Variants in RXRA observed in about 807,000 individuals in gnomAD.
RXRA encodes the protein retinoid X receptor alpha.
Under a neutral mutation model 44.5 loss-of-function variants are expected in RXRA, and 5 were observed. The observed-to-expected ratio is 0.11, with a 90% CI of 0.06 to 0.24. The LOEUF (loss-of-function observed/expected upper bound fraction) is 0.24, where lower values mean the gene tolerates loss of function less well. Ranked by LOEUF, RXRA falls within the 10% of genes least tolerant of loss-of-function variation. The pLI, the probability that RXRA is intolerant of heterozygous loss-of-function variation, is 1.00. For synonymous variants in RXRA, 291 were observed against 271.4 expected (o/e 1.07, Z -0.71); for missense variants, 412 against 646.5 (o/e 0.64, Z 3.93).
chr9:134,386,992 G>A (rs1292068203), intron 1 of RXRA, among the ~76,000 whole-genome samples: 4 of 152,226 alleles, frequency 2.6e-5, no homozygotes, highest in African/African-American at 4.8e-5. Flanking sequence ...TGGGCCCAGC[G>A]TTGGGACACT....
At chr9:134,434,242 C>G (rs375446455) in intron 9 of RXRA, 35 bp downstream of exon 9, 2 of 1,509,264 alleles carry the variant, frequency 1.3e-6, no homozygotes, top group African/African-American at 1.4e-5. Context: ...CACCCCAGAC[C>G]CAGGCTCTTG....
At chr9:134,422,490 C>T (rs1477961565) in intron 6 of RXRA, 1 of 1,217,704 alleles carries the variant, frequency 8.2e-7, no homozygotes, top group Non-Finnish European at 1.1e-6. Context: ...GGACACTCCC[C>T]CCTCCCAGGA....
At chr9:134,408,115 A>G (rs2119157138) in intron 2 of RXRA, 34 bp from the exon 3 acceptor site, 1 of 1,502,294 alleles carries the variant, frequency 6.7e-7, no homozygotes, top group Non-Finnish European at 8.9e-7. Context: ...AACCTGGTGT[A>G]CACCCCGCTG....
intron 2 of RXRA, chr9:134,404,190 T>C (rs111439626): frequency 5.3e-5 from 8 of 152,350 alleles, no homozygotes; most frequent in African/African-American, 9.6e-5. Context: ...TCTGCTGCTG[T>C]TGGGGAGGGC....
chr9:134,351,156 C>A (rs1270645119), intron 1 of RXRA, among the ~76,000 whole-genome samples: 1 of 152,226 alleles, frequency 6.6e-6, no homozygotes, highest in African/African-American at 2.4e-5. Flanking sequence ...AATGTTGGGG[C>A]CCCCTTCTCC....
At chr9:134,377,056 TA>T (rs1830567006) in intron 1 of RXRA, among the ~76,000 whole-genome samples, 1 of 152,184 alleles carries the variant, frequency 6.6e-6, no homozygotes, top group East Asian at 1.9e-4. Context: ...ACTGCTGGCC[TA>T]GGGGCCGACC....
At chr9:134,332,427 C>T (rs992360149) in intron 1 of RXRA, among the ~76,000 whole-genome samples, 1 of 152,178 alleles carries the variant, frequency 6.6e-6, no homozygotes, top group Non-Finnish European at 1.5e-5. Flanking sequence ...GCCTTGACAA[C>T]CCTGGCTGGG....
intron 1 of RXRA, among the ~76,000 whole-genome samples, chr9:134,381,767 G>GGGCTTCACTGCAAATTAGCCCC: frequency 6.6e-6 from 1 of 152,222 alleles, no homozygotes; most frequent in African/African-American, 2.4e-5. Context: ...GGCTTTGAAG[G>GGGCTTCACTGCAAATTAGCCCC]GGCTTCACTG....
At chr9:134,363,882 G>T (rs550970107) in intron 1 of RXRA, among the ~76,000 whole-genome samples, 1 of 152,180 alleles carries the variant, frequency 6.6e-6, no homozygotes, top group African/African-American at 2.4e-5. Flanking sequence ...CATCTCCCCC[G>T]GGTTTGGCAT....
chr9:134,377,669 T>A (rs753715185), intron 1 of RXRA, among the ~76,000 whole-genome samples: 59 of 152,204 alleles, frequency 3.9e-4, no homozygotes, highest in Non-Finnish European at 6.8e-4. Flanking sequence ...AGTTTGGATG[T>A]GGGGGTCAGG....
intron 1 of RXRA, among the ~76,000 whole-genome samples, chr9:134,370,754 G>A (rs79029247): frequency 2.6e-5 from 4 of 152,130 alleles, no homozygotes; most frequent in African/African-American, 9.7e-5. Flanking sequence ...GCTGTGTGGC[G>A]GCGCCGGGTG....
At chr9:134,341,037 G>T (rs2119026925) in intron 1 of RXRA, among the ~76,000 whole-genome samples, 1 of 152,330 alleles carries the variant, frequency 6.6e-6, no homozygotes, top group Non-Finnish European at 1.5e-5. Context: ...CTGGCCTCGT[G>T]CCCTCACCTC....
At chr9:134,363,889 G>T (rs994612660) in intron 1 of RXRA, among the ~76,000 whole-genome samples, 1 of 152,176 alleles carries the variant, frequency 6.6e-6, no homozygotes, top group Non-Finnish European at 1.5e-5. Context: ...CCCGGGTTTG[G>T]CATTTTTTGG....
rs1393020847 is a variant in RXRA, at chr9:134,409,113, C to A, written c.604C>A (p.Arg202=). The stretch of plus-strand genomic sequence containing the variant: ...GAAGTGCCTGGCCATGGGCATGAAG[C>A]GGGAAGGTAGGCCACGGCGTCGGGT... ...YQKCLAMGMK[R]EAVQEERQRG... is the part of the protein sequence containing the mutation. Residue 202 remains arginine, a synonymous_variant, in exon 4 of 10, where the codon CGG becomes AGG. Transcript: ENST00000481739. 1 of 1,569,154 alleles carries A rather than the reference C, an allele frequency of 6.4e-7. No homozygotes were observed. Among genetic ancestry groups the A allele is most frequent in the Non-Finnish European group, 8.7e-7 (1 of 1,155,586 alleles).
At chr9:134,420,624 T>G (rs901753113) in intron 5 of RXRA, among the ~76,000 whole-genome samples, 2 of 152,256 alleles carry the variant, frequency 1.3e-5, no homozygotes, top group African/African-American at 2.4e-5. Context: ...TTGCTGTTGG[T>G]GGAAGCTCTT....
In RXRA at chr9:134,440,043, C is replaced by T. The variant is rs1831705102; in HGVS notation, c.*3429C>T. On this transcript the variant is annotated 3_prime_UTR_variant, in exon 10 of 10. Transcript: ENST00000481739. The stretch of plus-strand genomic sequence containing the variant: ...AATACTTTAGAGAGGATGACAGATC[C>T]ATAAAGAGAGTAAAGATAAGAGAAA... 1 of 151,854 alleles carries T rather than the reference C, an allele frequency of 6.6e-6. No individual in the cohort carries two copies. Among genetic ancestry groups the T allele is most frequent in the Non-Finnish European group, 1.5e-5 (1 of 67,960 alleles). The allele number at this position is 151,854 out of a possible 1,614,324, so 9.4% of individuals were successfully genotyped here.
chr9:134,422,790 C>G, intron 6 of RXRA: 1 of 985,482 alleles, frequency 1.0e-6, no homozygotes, highest in Non-Finnish European at 1.2e-6. Flanking sequence ...TGCGGGGTCT[C>G]TCAGTGGCCT....
chr9:134,400,216 CT>C (rs1830937699), intron 1 of RXRA, among the ~76,000 whole-genome samples: 1 of 152,210 alleles, frequency 6.6e-6, no homozygotes, highest in South Asian at 2.1e-4. Flanking sequence ...TGGCCCAGGG[CT>C]TCCTCCCGCT....
chr9:134,333,683 G>A (rs1554746963), intron 1 of RXRA, among the ~76,000 whole-genome samples: 1 of 152,196 alleles, frequency 6.6e-6, no homozygotes, highest in Non-Finnish European at 1.5e-5. Context: ...GTGAGGCTGG[G>A]AAGCCCCGGG....
Sources: allele counts gnomAD v4.1 joint callset (sites outside exome capture counted in the v4.1 genomes callset), GRCh38; gene constraint gnomAD v4.1.1; transcripts MANE v1.5; gene names NCBI Gene and HGNC (gene_info 2026-07-23, HGNC 2026-07-21).